The following SORCS2 variants were observed in gnomAD, a reference collection of about 807,000 sequenced individuals.
The protein encoded by SORCS2 is VPS10 domain-containing receptor SorCS2.
In SORCS2, 100 loss-of-function variants were observed where a neutral mutation model predicts 141.6. The observed-to-expected ratio is 0.71, with a 90% confidence interval of 0.60 to 0.83. SORCS2 has a LOEUF of 0.83. SORCS2 is among the 40% of genes least tolerant of loss of function. The probability of loss-of-function intolerance (pLI) is 0.00; values close to 1 mark genes in which losing one functional copy is unlikely to be tolerated. For synonymous variants in SORCS2, 789 were observed against 676.9 expected (o/e 1.17, Z -2.57); for missense variants, 1,646 against 1,560.2 (o/e 1.05, Z -0.93).
chr4:7,657,361 G>A (rs1721841190), intron 5 of SORCS2, among the ~76,000 whole-genome samples: 1 of 151,412 alleles, frequency 6.6e-6, no homozygotes, highest in Non-Finnish European at 1.5e-5. Flanking sequence ...GAGTGAATGA[G>A]TAACAACTGA....
intron 1 of SORCS2, among the ~76,000 whole-genome samples, chr4:7,376,780 T>G (rs10516185): frequency 8.4e-4 from 126 of 150,258 alleles, no homozygotes; most frequent in African/African-American, 2.8e-3. Context: ...ACACTCCAAT[T>G]GAGTTAAACA....
Position 7,721,159 on chromosome 4 carries a change from A to G in SORCS2, c.2425-2538A>G, listed in dbSNP as rs140183516. On this transcript the variant is annotated intron_variant, in intron 18 of 26. Coordinates refer to ENST00000507866, the MANE Select transcript of SORCS2 (RefSeq NM_020777.3). Reference sequence around the variant, plus strand: ...AGATACCATGCTGCAGTGAGAAGGAATCCATTATTAATACCTGCAGCAGGG... The same window carrying G: ...AGATACCATGCTGCAGTGAGAAGGAGTCCATTATTAATACCTGCAGCAGGG... Among the ~76,000 whole-genome samples, 176 of 152,322 alleles carry G rather than the reference A, an allele frequency of 1.2e-3. 1 individual carries two copies. The highest frequency in any genetic ancestry group is 3.8e-3 in the African/African-American group (159 of 41,564).
At chr4:7,676,457 C>A (rs1342500393) in intron 9 of SORCS2, among the ~76,000 whole-genome samples, 1 of 152,210 alleles carries the variant, frequency 6.6e-6, no homozygotes, top group African/African-American at 2.4e-5. Context: ...ATTCGAAATA[C>A]AATGATCATC....
intron 1 of SORCS2, among the ~76,000 whole-genome samples, chr4:7,268,858 A>T (rs1714922570): frequency 6.6e-6 from 1 of 151,506 alleles, no homozygotes; most frequent in Admixed American, 6.6e-5. Flanking sequence ...GCTTAGGGTG[A>T]GTGAGATGCC....
intron 17 of SORCS2, among the ~76,000 whole-genome samples, chr4:7,716,483 T>C (rs1022116799): frequency 4.6e-5 from 7 of 152,174 alleles, no homozygotes; most frequent in Non-Finnish European, 7.3e-5. Flanking sequence ...CATGCATCCA[T>C]CTATCCATTC....
intron 2 of SORCS2, chr4:7,434,154 G>A (rs779467471): frequency 5.0e-6 from 8 of 1,613,874 alleles, no homozygotes; most frequent in Admixed American, 1.7e-5. Context: ...CCTGCGGGGG[G>A]AGAAGCCTCA....
intron 3 of SORCS2, among the ~76,000 whole-genome samples, chr4:7,626,807 T>C (rs757374445): frequency 2.0e-5 from 3 of 152,120 alleles, no homozygotes; most frequent in Non-Finnish European, 4.4e-5. Context: ...TCTTGTCCTG[T>C]CCACAGTCAT....
chr4:7,381,505 G>C (rs1227572406), intron 1 of SORCS2, among the ~76,000 whole-genome samples: 1 of 152,220 alleles, frequency 6.6e-6, no homozygotes, highest in African/African-American at 2.4e-5. Flanking sequence ...TTTCCCAAAG[G>C]CTCTTCCTCC....
chr4:7,733,390 G>A lies in SORCS2; in HGVS notation c.3177G>A (p.Arg1059=), dbSNP rs982473780. 3.1e-6 allele frequency: 5 copies of A among 1,592,638 alleles called. No homozygotes were observed. The highest frequency in any genetic ancestry group is 4.3e-6 in the Non-Finnish European group (5 of 1,170,168). ...GCTTCCTCCTGCGAGGCGGAGTCCG[G>A]GTCCTGGTGGCCCTGCGGGACACAG... is the stretch of plus-strand genomic sequence containing the variant. ...KISFLLRGGV[R]VLVALRDTGT... The change falls in exon 24 of 27, where the codon CGG becomes CGA. Residue 1059 remains arginine, a synonymous_variant. Coordinates refer to ENST00000507866, the MANE Select transcript of SORCS2 (RefSeq NM_020777.3).
At chr4:7,582,600 C>T (rs1560403567) in intron 3 of SORCS2, among the ~76,000 whole-genome samples, 1 of 151,814 alleles carries the variant, frequency 6.6e-6, no homozygotes, top group African/African-American at 2.4e-5. Context: ...TCCCTCGCTG[C>T]AATCTATTGA....
chr4:7,356,190 C>T (rs1721242201), intron 1 of SORCS2, among the ~76,000 whole-genome samples: 1 of 152,256 alleles, frequency 6.6e-6, no homozygotes, highest in Non-Finnish European at 1.5e-5. Flanking sequence ...GGACAGGTCC[C>T]CCTTCTTAGC....
intron 3 of SORCS2, among the ~76,000 whole-genome samples, chr4:7,572,402 G>A (rs952733564): frequency 6.1e-5 from 9 of 148,560 alleles, no homozygotes; most frequent in Admixed American, 6.6e-5. Flanking sequence ...AATCATTTAC[G>A]TTTAATCATT....
At chr4:7,540,497 G>A (rs1230465422) in intron 3 of SORCS2, among the ~76,000 whole-genome samples, 1 of 152,204 alleles carries the variant, frequency 6.6e-6, no homozygotes, top group African/African-American at 2.4e-5. Context: ...CAGTAGCTTG[G>A]GAAGTCCCAG....
intron 3 of SORCS2, among the ~76,000 whole-genome samples, chr4:7,615,884 A>G (rs1051461126): frequency 2.0e-5 from 3 of 152,232 alleles, no homozygotes; most frequent in African/African-American, 7.2e-5. Context: ...GCTTAAACAA[A>G]GAACTTTTTA....
intron 1 of SORCS2, among the ~76,000 whole-genome samples, chr4:7,291,613 T>C (rs1226614655): frequency 6.6e-6 from 1 of 152,108 alleles, no homozygotes. Flanking sequence ...CTCGGTCAAC[T>C]GCACGGCTGG....
At chr4:7,540,845 G>C (rs1401807565) in intron 3 of SORCS2, among the ~76,000 whole-genome samples, 1 of 152,234 alleles carries the variant, frequency 6.6e-6, no homozygotes, top group Non-Finnish European at 1.5e-5. Context: ...CATGTGGACT[G>C]TTAAATGGGA....
chr4:7,390,955 G>A (rs1432063869), intron 1 of SORCS2, among the ~76,000 whole-genome samples: 1 of 152,150 alleles, frequency 6.6e-6, no homozygotes, highest in Non-Finnish European at 1.5e-5. Flanking sequence ...TCAGAAACGT[G>A]CCAGTGACCA....
chr4:7,310,716 T>A (rs1718130313), intron 1 of SORCS2, among the ~76,000 whole-genome samples: 1 of 152,246 alleles, frequency 6.6e-6, no homozygotes, highest in South Asian at 2.1e-4. Context: ...CTTCCACGGT[T>A]CTGACCTTGG....
At chr4:7,639,621 A>C (rs1399554410) in intron 4 of SORCS2, among the ~76,000 whole-genome samples, 3 of 147,930 alleles carry the variant, frequency 2.0e-5, no homozygotes, top group African/African-American at 7.5e-5. Context: ...GTGCGTGTGA[A>C]TGTGTGGGTG....
Sources: allele counts gnomAD v4.1 joint callset (sites outside exome capture counted in the v4.1 genomes callset), GRCh38; gene constraint gnomAD v4.1.1; transcripts MANE v1.5; gene names NCBI Gene and HGNC (gene_info 2026-07-23, HGNC 2026-07-21).